Variants in GATAD1 observed in about 807,000 individuals in gnomAD.
The protein encoded by GATAD1 is GATA zinc finger domain-containing protein 1.
A neutral mutation model predicts 26.5 loss-of-function variants in GATAD1; 12 were observed. That is an observed-to-expected ratio of 0.45 (90% CI 0.29 to 0.73). GATAD1 has a LOEUF of 0.73. GATAD1 is among the 30% of genes least tolerant of loss of function. GATAD1 has a pLI of 0.10. For missense variants in GATAD1, 266 were observed against 342.1 expected (o/e 0.78, Z 1.75); for synonymous variants, 129 against 133.1 (o/e 0.97, Z 0.21).
downstream of GATAD1, among the ~76,000 whole-genome samples, chr7:92,462,541 A>G (rs1789959269): frequency 6.6e-6 from 1 of 152,196 alleles, no homozygotes; most frequent in Non-Finnish European, 1.5e-5. Flanking sequence ...CGTAGTCAGG[A>G]AAAAAATACA....
At chr7:92,478,199 A>G in the GATAD1 span, among the ~76,000 whole-genome samples, 20 of 152,180 alleles carry the variant, frequency 1.3e-4, no homozygotes, top group Non-Finnish European at 2.8e-4. Context: ...CTCAGTTGCA[A>G]GATAATTGCT....
downstream of GATAD1, among the ~76,000 whole-genome samples, chr7:92,464,034 A>C (rs1438813426): frequency 6.6e-6 from 1 of 152,232 alleles, no homozygotes; most frequent in African/African-American, 2.4e-5. Flanking sequence ...AAATAGATAT[A>C]TAGGAGATAA....
chr7:92,454,172 T>G (rs1311309020), intron 3 of GATAD1: 1 of 267,782 alleles, frequency 3.7e-6, no homozygotes, highest in African/African-American at 2.3e-5. Context: ...TCAATTTTGC[T>G]GTAAACCTAA....
the GATAD1 span, among the ~76,000 whole-genome samples, chr7:92,482,260 AAAG>A: frequency 6.6e-6 from 1 of 152,170 alleles, no homozygotes; most frequent in Admixed American, 6.5e-5. Flanking sequence ...AATAGTGAAA[AAAG>A]CATCTTTAAG....
the GATAD1 span, among the ~76,000 whole-genome samples, chr7:92,479,275 C>T: frequency 1.1e-3 from 167 of 152,134 alleles, no homozygotes; most frequent in African/African-American, 3.9e-3. Flanking sequence ...TGGGTGCAGG[C>T]GGGCTGAGTC....
At chr7:92,483,798 G>C in the GATAD1 span, among the ~76,000 whole-genome samples, 1 of 152,314 alleles carries the variant, frequency 6.6e-6, no homozygotes, top group Admixed American at 6.5e-5. Flanking sequence ...TGTGAGGAGA[G>C]GAGGTGATAA....
At chr7:92,456,274 C>T in intron 4 of GATAD1, 98 bp from the exon 5 acceptor site, 1 of 663,290 alleles carries the variant, frequency 1.5e-6, no homozygotes, top group Non-Finnish European at 2.5e-6. Context: ...AGGTTGCTCC[C>T]AGAGTGGTCT....
the GATAD1 span, among the ~76,000 whole-genome samples, chr7:92,480,789 G>A: frequency 6.6e-6 from 1 of 152,076 alleles, no homozygotes; most frequent in African/African-American, 2.4e-5. Flanking sequence ...AGAGTAATGG[G>A]ATCTGACGCC....
In GATAD1 at chr7:92,447,846, G is replaced by T; in HGVS notation, c.117G>T (p.Ala39=). The T allele has an allele frequency of 7.2e-7, 1 of 1,389,762 alleles. No individual in the cohort carries two copies. 86.1% of individuals were successfully genotyped at this position (1,389,762 alleles called of 1,614,324 possible). The change falls in exon 1 of 5, where the codon GCG becomes GCT. Residue 39 remains alanine, a synonymous_variant. Coordinates refer to ENST00000287957, the MANE Select transcript of GATAD1 (RefSeq NM_021167.5). ...ATCATTGCACTGGCCGGGGCGGCGCGGGCAGCGGGGGCGCAGGCTCGGGGG... is the reference window on the plus strand; with the variant it reads ...ATCATTGCACTGGCCGGGGCGGCGCTGGCAGCGGGGGCGCAGGCTCGGGGG... ...LCHHCTGRGG[A]GSGGAGSGAA...
chr7:92,472,752 A>G, the GATAD1 span: 1 of 152,270 alleles, frequency 6.6e-6, no homozygotes, highest in Non-Finnish European at 1.5e-5. Context: ...AGGATAAGCC[A>G]GTATAGGCTG....
chr7:92,470,302 C>G, the GATAD1 span: 4 of 777,482 alleles, frequency 5.1e-6, no homozygotes, highest in Non-Finnish European at 9.6e-6. Context: ...ACTGGTCATA[C>G]AGCGGCATGG....
At chr7:92,490,407 C>A in the GATAD1 span, among the ~76,000 whole-genome samples, 5 of 151,878 alleles carry the variant, frequency 3.3e-5, no homozygotes, top group Non-Finnish European at 7.4e-5. Flanking sequence ...GGTCAAGGCA[C>A]GCAGATAGCT....
At chr7:92,491,148 T>G in the GATAD1 span, 1 of 693,522 alleles carries the variant, frequency 1.4e-6, no homozygotes, top group Non-Finnish European at 2.6e-6. Flanking sequence ...ACAAGACTAT[T>G]TTACTGAAGA....
chr7:92,494,490 GT>G, the GATAD1 span: 1 of 1,613,400 alleles, frequency 6.2e-7, no homozygotes, highest in Non-Finnish European at 8.5e-7. Flanking sequence ...TTATTACCCT[GT>G]AAGCCTTCTA....
chr7:92,484,065 ACCATTTTT>A, the GATAD1 span, among the ~76,000 whole-genome samples: 3 of 152,164 alleles, frequency 2.0e-5, no homozygotes, highest in Admixed American at 6.5e-5. Context: ...GGCATCTCAG[ACCATTTTT>A]CCATTTTTCC....
chr7:92,449,665 A>T (rs1472470261), intron 2 of GATAD1: 2 of 935,066 alleles, frequency 2.1e-6, no homozygotes, highest in Non-Finnish European at 2.5e-6. Flanking sequence ...CAGATGGCAG[A>T]CTATTTTCTT....
chr7:92,487,515 C>CTCTT, the GATAD1 span: 1 of 1,588,770 alleles, frequency 6.3e-7, no homozygotes, highest in South Asian at 1.1e-5. Context: ...ATTTTTTCTC[C>CTCTT]TCTTTGGATT....
At chr7:92,480,031 G>A in the GATAD1 span, among the ~76,000 whole-genome samples, 1 of 152,112 alleles carries the variant, frequency 6.6e-6, no homozygotes, top group Non-Finnish European at 1.5e-5. Context: ...TTAAGTTGGA[G>A]GCTGAGTTTG....
chr7:92,453,922 C>T (rs959799459), intron 3 of GATAD1: 1 of 153,118 alleles, frequency 6.5e-6, no homozygotes, highest in African/African-American at 2.4e-5. Context: ...ACTATTAATA[C>T]TCTCTTTGTA....
Sources: gnomAD v4.1 joint callset for allele counts (sites outside exome capture counted in the v4.1 genomes callset) on GRCh38, gnomAD v4.1.1 for gene constraint, MANE v1.5 for transcripts, NCBI Gene and HGNC (gene_info 2026-07-23, HGNC 2026-07-21) for gene names.